Variants in TEX11 observed in about 807,000 individuals in gnomAD.
TEX11 encodes the protein testis expressed 11, also known as testis-expressed protein 11.
Under a neutral mutation model 84.4 loss-of-function variants are expected in TEX11, and 7 were observed. That is an observed-to-expected ratio of 0.08 (90% confidence interval 0.05 to 0.16). TEX11 has a LOEUF of 0.16. Ranked by LOEUF, TEX11 falls within the 10% of genes least tolerant of loss-of-function variation. The pLI is 1.00. For missense variants in TEX11, 551 were observed against 660.5 expected (o/e 0.83, Z 1.82); for synonymous variants, 264 against 222.8 (o/e 1.18, Z -1.64).
At chrX:70,822,967 A>G (rs748351745) in intron 8 of TEX11, among the ~76,000 whole-genome samples, 171 of 107,879 alleles carry the variant, frequency 1.6e-3, no homozygotes, top group African/African-American at 5.6e-3. Context: ...AACACCTCCC[A>G]CTAAGCCCCA....
At chrX:70,635,743 A>G (rs916390565) in intron 17 of TEX11, among the ~76,000 whole-genome samples, 3 of 110,431 alleles carry the variant, frequency 2.7e-5, no homozygotes, top group Admixed American at 9.5e-5. Context: ...TTGTAGATAT[A>G]GGATCCAGGC....
chrX:70,752,444 G>T (rs1602098823), intron 9 of TEX11, among the ~76,000 whole-genome samples: 1 of 100,901 alleles, frequency 9.9e-6, no homozygotes, highest in South Asian at 4.9e-4. Context: ...AGAATTGCTT[G>T]AACCCGGGGG....
intron 17 of TEX11, among the ~76,000 whole-genome samples, chrX:70,632,674 A>G (rs945570725): frequency 1.8e-4 from 20 of 111,827 alleles, no homozygotes; most frequent in African/African-American, 6.2e-4. Flanking sequence ...GACCTTCTAC[A>G]CTGATTGATC....
At chrX:70,704,757 G>A (rs1001278859) in intron 13 of TEX11, among the ~76,000 whole-genome samples, 2 of 110,542 alleles carry the variant, frequency 1.8e-5, no homozygotes, top group Non-Finnish European at 1.9e-5. Context: ...GAATCTGAGA[G>A]AAACATTCCT....
intron 28 of TEX11, among the ~76,000 whole-genome samples, chrX:70,530,880 G>A (rs948617104): frequency 2.7e-5 from 3 of 111,772 alleles, no homozygotes; most frequent in Admixed American, 1.9e-4. Flanking sequence ...ATGTAAAGAC[G>A]ACTTCACAAG....
intron 25 of TEX11, among the ~76,000 whole-genome samples, chrX:70,584,574 A>C (rs2088827442): frequency 9.0e-6 from 1 of 111,507 alleles, no homozygotes; most frequent in Non-Finnish European, 1.9e-5. Context: ...CTGATACTAA[A>C]GCCAAATGTA....
chrX:70,784,250 C>A (rs1294924501), intron 9 of TEX11, among the ~76,000 whole-genome samples: 1 of 111,465 alleles, frequency 9.0e-6, no homozygotes, highest in African/African-American at 3.3e-5. Flanking sequence ...GCAATAGATG[C>A]AGAAAAGGCC....
chrX:70,867,556 G>A (rs746598265), intron 4 of TEX11, among the ~76,000 whole-genome samples: 139 of 111,528 alleles, frequency 1.2e-3, no homozygotes, highest in Middle Eastern at 9.2e-3. Context: ...AAAAGAGCCC[G>A]TGTAGCCAAG....
At chrX:70,541,197 A>G (rs773054723) in intron 28 of TEX11, among the ~76,000 whole-genome samples, 6 of 111,391 alleles carry the variant, frequency 5.4e-5, no homozygotes, top group African/African-American at 2.0e-4. Flanking sequence ...AAAAAAGCCA[A>G]TCTCAAAAAG....
At chrX:70,517,270 G>A in the TEX11 span, among the ~76,000 whole-genome samples, 1 of 111,802 alleles carries the variant, frequency 8.9e-6, no homozygotes, top group East Asian at 2.8e-4. Flanking sequence ...GTCATAAATA[G>A]CTCTTATTAT....
intron 13 of TEX11, among the ~76,000 whole-genome samples, chrX:70,720,366 T>C (rs2090547919): frequency 9.1e-6 from 1 of 110,354 alleles, no homozygotes; most frequent in Non-Finnish European, 1.9e-5. Flanking sequence ...CCGGGGCCTT[T>C]CATGGGGTGG....
intron 17 of TEX11, among the ~76,000 whole-genome samples, chrX:70,644,163 A>G (rs1312163898): frequency 9.9e-6 from 1 of 101,074 alleles, no homozygotes; most frequent in Non-Finnish European, 2.0e-5. Context: ...CAAAAAACAC[A>G]TGAAAAAATG....
intron 9 of TEX11, among the ~76,000 whole-genome samples, chrX:70,788,973 T>TATATAGAGAGAGAGAG (rs1211700739): frequency 1.0e-4 from 1 of 9,557 alleles, no homozygotes; most frequent in Non-Finnish European, 1.8e-4. Flanking sequence ...TATATATATA[T>TATATAGAGAGAGAGAG]AGAGAGAGAG....
intron 25 of TEX11, among the ~76,000 whole-genome samples, chrX:70,589,643 C>T (rs2088901632): frequency 9.0e-6 from 1 of 111,286 alleles, no homozygotes; most frequent in Admixed American, 9.6e-5. Flanking sequence ...GTGTCTCAGG[C>T]TCCCAAGTAG....
chrX:70,755,614 A>AT (rs1338043076), intron 9 of TEX11, among the ~76,000 whole-genome samples: 1 of 112,263 alleles, frequency 8.9e-6, no homozygotes, highest in African/African-American at 3.2e-5. Flanking sequence ...GTTTATTCAA[A>AT]GTGGGGAGGC....
At chrX:70,722,060 G>A (rs2090563652) in intron 13 of TEX11, among the ~76,000 whole-genome samples, 1 of 111,947 alleles carries the variant, frequency 8.9e-6, no homozygotes, top group African/African-American at 3.2e-5. Flanking sequence ...AGTTTCATAA[G>A]TCCAGGAAAT....
At chrX:70,586,197 T>C (rs1309410500) in intron 25 of TEX11, among the ~76,000 whole-genome samples, 1 of 112,685 alleles carries the variant, frequency 8.9e-6, no homozygotes, top group Non-Finnish European at 1.9e-5. Context: ...TACCCAAACA[T>C]ATAAGCTAAA....
At chrX:70,547,807 T>C (rs1261671889) in intron 28 of TEX11, among the ~76,000 whole-genome samples, 1 of 111,901 alleles carries the variant, frequency 8.9e-6, no homozygotes, top group Non-Finnish European at 1.9e-5. Flanking sequence ...AGGAACACTT[T>C]TACACTGTTG....
the TEX11 span, among the ~76,000 whole-genome samples, chrX:70,519,520 A>G: frequency 1.8e-5 from 2 of 111,802 alleles, no homozygotes; most frequent in African/African-American, 6.5e-5. Flanking sequence ...GGGTCACCTA[A>G]CCTTTCTCTC....
Sources: gnomAD v4.1 joint callset for allele counts (sites outside exome capture counted in the v4.1 genomes callset) on GRCh38, gnomAD v4.1.1 for gene constraint, MANE v1.5 for transcripts, NCBI Gene and HGNC (gene_info 2026-07-23, HGNC 2026-07-21) for gene names.